Variants in RASGEF1A observed in about 807,000 individuals in gnomAD.
The protein encoded by RASGEF1A is RasGEF domain family member 1A, also known as ras-GEF domain-containing family member 1A.
Under a neutral mutation model 56.4 loss-of-function variants are expected in RASGEF1A, and 18 were observed. The observed-to-expected ratio is 0.32, with a 90% CI of 0.22 to 0.47. The LOEUF is 0.47. RASGEF1A is among the 20% of genes least tolerant of loss of function. RASGEF1A has a pLI of 1.00. For missense variants in RASGEF1A, 422 were observed against 627.1 expected (o/e 0.67, Z 3.49); for synonymous variants, 245 against 242.6 (o/e 1.01, Z -0.09).
Position 43,266,848 on chromosome 10 carries a change from G to C in RASGEF1A, c.-10C>G, listed in dbSNP as rs1836634528. 6.9e-6 allele frequency: 1 copy of C among 145,942 alleles called. No individual in the cohort carries two copies. Among genetic ancestry groups the C allele is most frequent in the African/African-American group, 2.5e-5 (1 of 40,760 alleles). 9.0% of individuals were successfully genotyped at this position (145,942 alleles called of 1,614,324 possible). On this transcript the variant is annotated 5_prime_UTR_variant, in exon 1 of 13. Transcript: ENST00000395810. ...AGGGTCCGCGGCCGCTGCCTACCTC[G>C]GTCCGGGCCAGCGTCGCTCCCGCGC...
At chr10:43,262,392 C>T (rs906401080) in intron 1 of RASGEF1A, among the ~76,000 whole-genome samples, 2 of 152,144 alleles carry the variant, frequency 1.3e-5, no homozygotes, top group Non-Finnish European at 2.9e-5. Context: ...CAGCCCCACC[C>T]CCCAGGATTC....
intron 7 of RASGEF1A, 142 bp from the exon 8 acceptor site, chr10:43,199,336 G>T (rs147824689): frequency 2.9e-6 from 2 of 689,818 alleles, no homozygotes; most frequent in East Asian, 5.4e-5. Flanking sequence ...CCATGGCTGC[G>T]TCTGGGAGGT....
chr10:43,257,593 C>T (rs138009240), intron 1 of RASGEF1A, among the ~76,000 whole-genome samples: 21 of 152,286 alleles, frequency 1.4e-4, no homozygotes, highest in East Asian at 1.4e-3. Context: ...TAGTGCCCTG[C>T]GCTTCCCCCG....
In RASGEF1A at chr10:43,198,015, T is replaced by C; in HGVS notation, c.1213A>G (p.Ile405Val). 6.2e-7 allele frequency: 1 copy of C among 1,611,738 alleles called. No homozygotes were observed. Among genetic ancestry groups the C allele is most frequent in the Non-Finnish European group, 8.5e-7 (1 of 1,178,172 alleles). ...IHTNHLPNGH[I>V]NFKKFWEISR... ...TGGGATGAGCTCACCTTAAAGTTAA[T>C]GTGCCCGTTGGGCAGGTGGTTGGTA... The change falls in exon 10 of 13, where the codon ATT becomes GTT. Residue 405 changes from isoleucine (I) to valine (V), a missense_variant. By Grantham distance (29) the Ile-to-Val change is conservative. Around this residue, in one of 2 missense-constraint regions of RASGEF1A, gnomAD observed 149 missense variants for 287.2 expected, o/e 0.52. Coordinates refer to ENST00000395810, the MANE Select transcript of RASGEF1A (RefSeq NM_145313.4).
At chr10:43,266,677 C>T (rs1308854552) in intron 1 of RASGEF1A, among the ~76,000 whole-genome samples, 168 bp downstream of exon 1, 1 of 146,498 alleles carries the variant, frequency 6.8e-6, no homozygotes, top group Non-Finnish European at 1.5e-5. Flanking sequence ...TCCCCGCGCG[C>T]GTCCCCCGCC....
chr10:43,266,773 G>A (rs1265619482), intron 1 of RASGEF1A, 72 bp downstream of exon 1: 5 of 145,778 alleles, frequency 3.4e-5, no homozygotes, highest in African/African-American at 4.9e-5. Context: ...TGCCCGCGCC[G>A]GCGACCGGAG....
chr10:43,217,633 G>A (rs1840155519), intron 1 of RASGEF1A, among the ~76,000 whole-genome samples: 1 of 152,238 alleles, frequency 6.6e-6, no homozygotes. Context: ...GAGAGTCTGG[G>A]GCTTAGTCTC....
At chr10:43,228,469 T>C (rs1840312011) in intron 1 of RASGEF1A, among the ~76,000 whole-genome samples, 1 of 152,182 alleles carries the variant, frequency 6.6e-6, no homozygotes, top group Non-Finnish European at 1.5e-5. Flanking sequence ...ACTGGAGTAC[T>C]GGGCTGGGGC....
intron 1 of RASGEF1A, among the ~76,000 whole-genome samples, chr10:43,219,444 C>G (rs1840178770): frequency 1.3e-5 from 2 of 152,198 alleles, no homozygotes; most frequent in South Asian, 4.1e-4. Context: ...GGTCCCTGTC[C>G]TAGATGGGTT....
At chr10:43,200,522 C>T in intron 5 of RASGEF1A, 145 bp downstream of exon 5, 1 of 754,632 alleles carries the variant, frequency 1.3e-6, no homozygotes, top group African/African-American at 1.7e-5. Context: ...GGACACACAT[C>T]TGGCATGAAG....
chr10:43,223,617 A>G (rs1487299429), intron 1 of RASGEF1A, among the ~76,000 whole-genome samples: 2 of 152,248 alleles, frequency 1.3e-5, no homozygotes, highest in Non-Finnish European at 2.9e-5. Flanking sequence ...TAAAAAGCAA[A>G]TTAGATGACT....
chr10:43,209,298 G>A (rs1036452735), intron 1 of RASGEF1A: 8 of 810,870 alleles, frequency 9.9e-6, no homozygotes, highest in East Asian at 2.5e-4. Context: ...ATTCCCTTAC[G>A]CAGACGAGGG....
intron 1 of RASGEF1A, among the ~76,000 whole-genome samples, chr10:43,250,448 A>G (rs1013555736): frequency 6.6e-6 from 1 of 152,206 alleles, no homozygotes; most frequent in African/African-American, 2.4e-5. Flanking sequence ...TGCTTGACAT[A>G]AGTCACTCTC....
At chr10:43,241,765 G>A (rs1244192689) in intron 1 of RASGEF1A, among the ~76,000 whole-genome samples, 2 of 151,580 alleles carry the variant, frequency 1.3e-5, no homozygotes, top group African/African-American at 4.8e-5. Flanking sequence ...GATTATCAGA[G>A]TTAAAAAAAA....
At chr10:43,262,573 T>C (rs1488441543) in intron 1 of RASGEF1A, among the ~76,000 whole-genome samples, 1 of 152,194 alleles carries the variant, frequency 6.6e-6, no homozygotes, top group African/African-American at 2.4e-5. Context: ...CTCCCACGGA[T>C]GTTCGCTGAA....
chr10:43,229,793 CG>C, intron 1 of RASGEF1A: 1 of 1,244,966 alleles, frequency 8.0e-7, no homozygotes, highest in Non-Finnish European at 1.0e-6. Context: ...GGTGGGACCC[CG>C]GAAGCAGGGA....
At chr10:43,264,372 G>A (rs1836587618) in intron 1 of RASGEF1A, among the ~76,000 whole-genome samples, 1 of 151,226 alleles carries the variant, frequency 6.6e-6, no homozygotes, top group South Asian at 2.1e-4. Flanking sequence ...AGCCATAGGG[G>A]AGGGCCTCTG....
At chr10:43,253,975 AG>A (rs1196010444) in intron 1 of RASGEF1A, among the ~76,000 whole-genome samples, 1 of 152,180 alleles carries the variant, frequency 6.6e-6, no homozygotes, top group Non-Finnish European at 1.5e-5. Context: ...CTCACCCGGC[AG>A]TGCCCCTAAG....
chr10:43,247,594 AAC>A (rs1430829810), intron 1 of RASGEF1A, among the ~76,000 whole-genome samples: 2 of 152,256 alleles, frequency 1.3e-5, no homozygotes. Flanking sequence ...AACATGCTAC[AAC>A]ACTGAAGAAC....
Sources: allele counts gnomAD v4.1 joint callset (sites outside exome capture counted in the v4.1 genomes callset), GRCh38; gene constraint gnomAD v4.1.1; regional missense constraint gnomAD v4.1.1; transcripts MANE v1.5; gene names NCBI Gene and HGNC (gene_info 2026-07-23, HGNC 2026-07-21).